The following SAMMSON variants were observed in gnomAD, a reference collection of about 807,000 sequenced individuals.
The protein encoded by SAMMSON is long intergenic non-protein coding RNA 1212.
intron 4 of SAMMSON, among the ~76,000 whole-genome samples, chr3:70,168,489 A>G (rs1427097304): frequency 6.6e-6 from 1 of 152,020 alleles, no homozygotes; most frequent in Non-Finnish European, 1.5e-5. Context: ...CATTGGTACT[A>G]ATGCTAAGAA....
chr3:70,362,980 C>T (rs1425838085), intron 9 of SAMMSON, among the ~76,000 whole-genome samples: 1 of 151,906 alleles, frequency 6.6e-6, no homozygotes, highest in Non-Finnish European at 1.5e-5. Context: ...CTATGGTTGA[C>T]ATTGCACTCC....
intron 4 of SAMMSON, among the ~76,000 whole-genome samples, chr3:70,224,711 C>T (rs937411788): frequency 6.6e-6 from 1 of 151,588 alleles, no homozygotes; most frequent in Non-Finnish European, 1.5e-5. Flanking sequence ...AGAAAATTCA[C>T]CCTTGGTTTT....
Position 70,040,982 on chromosome 3 carries a change from GC to G in SAMMSON, n.417+27311del, listed in dbSNP as rs2067104307. Among the ~76,000 whole-genome samples the G allele has an allele frequency of 2.6e-5, 4 of 152,220 alleles. No individual in the cohort carries two copies. In the South Asian group the frequency reaches 8.3e-4, roughly 32 times the overall value. On this transcript the variant is annotated intron_variant and non_coding_transcript_variant, in intron 3 of 9. Transcript: ENST00000642114. Reference sequence around the variant, plus strand: ...TGCTGAATGGTAACTGAGGAGGACTGCTAAACTCTCAGCGAGCTCCTTTGAC... The same window carrying G: ...TGCTGAATGGTAACTGAGGAGGACTGTAAACTCTCAGCGAGCTCCTTTGAC...
Position 70,265,397 on chromosome 3 carries a change from T to C in SAMMSON, n.674+15727T>C, listed in dbSNP as rs371948713. ...ATTTTGGAGCAAAGGTAAAGGAAGA[T>C]GGAGATTGCAGAGAAGGCAGGAAAT... On this transcript the variant is annotated intron_variant and non_coding_transcript_variant, in intron 6 of 9. Transcript: ENST00000642114. Among the ~76,000 whole-genome samples the C allele has an allele frequency of 3.2e-3, 492 of 152,240 alleles. 4 individuals are homozygous for C. Among genetic ancestry groups the C allele is most frequent in the African/African-American group, 0.011 (472 of 41,532 alleles).
chr3:70,310,454 C>G (rs1702443980), intron 7 of SAMMSON, among the ~76,000 whole-genome samples: 1 of 150,738 alleles, frequency 6.6e-6, no homozygotes, highest in Non-Finnish European at 1.5e-5. Flanking sequence ...CAACCTCTGC[C>G]TCCCCAGTTC....
chr3:70,056,228 T>G (rs1375334624), intron 3 of SAMMSON, among the ~76,000 whole-genome samples: 1 of 152,108 alleles, frequency 6.6e-6, no homozygotes, highest in Non-Finnish European at 1.5e-5. Context: ...TGATTGTCCA[T>G]CTGGCCTTCC....
chr3:70,350,273 G>C (rs549618104), intron 7 of SAMMSON, among the ~76,000 whole-genome samples: 1 of 152,028 alleles, frequency 6.6e-6, no homozygotes, highest in Non-Finnish European at 1.5e-5. Flanking sequence ...CCAAAGCTAC[G>C]TTTTCTGGCT....
chr3:70,145,963 T>C (rs1454866633), intron 4 of SAMMSON, among the ~76,000 whole-genome samples: 1 of 151,850 alleles, frequency 6.6e-6, no homozygotes, highest in East Asian at 1.9e-4. Context: ...CTAAGAAAAC[T>C]GACAAAGAGA....
At chr3:70,209,120 C>T (rs1256087540) in intron 4 of SAMMSON, among the ~76,000 whole-genome samples, 1 of 151,954 alleles carries the variant, frequency 6.6e-6, no homozygotes, top group Non-Finnish European at 1.5e-5. Context: ...TCAAGGCATC[C>T]AGTAATCAGC....
chr3:70,381,803 A>G (rs1703071097), intron 9 of SAMMSON, among the ~76,000 whole-genome samples: 1 of 152,158 alleles, frequency 6.6e-6, no homozygotes, highest in Admixed American at 6.6e-5. Context: ...TTTTGGGGAG[A>G]AAAGAACAGA....
chr3:70,017,778 T>G (rs978048068), intron 3 of SAMMSON, among the ~76,000 whole-genome samples: 3 of 152,132 alleles, frequency 2.0e-5, no homozygotes, highest in African/African-American at 7.2e-5. Context: ...AATTTATTGA[T>G]AGGTTTTAGC....
chr3:70,356,180 T>A (rs139110469), intron 8 of SAMMSON, among the ~76,000 whole-genome samples: 2 of 152,216 alleles, frequency 1.3e-5, no homozygotes, highest in East Asian at 3.9e-4. Flanking sequence ...TTGTTCCCCT[T>A]CATTAACTTT....
intron 9 of SAMMSON, among the ~76,000 whole-genome samples, chr3:70,386,811 T>C (rs998221270): frequency 6.6e-6 from 1 of 152,016 alleles, no homozygotes; most frequent in African/African-American, 2.4e-5. Flanking sequence ...GAAGAAAATG[T>C]CCAAACGAGT....
downstream of SAMMSON, among the ~76,000 whole-genome samples, chr3:70,394,475 G>A (rs1701075466): frequency 6.6e-6 from 1 of 152,098 alleles, no homozygotes; most frequent in Admixed American, 6.6e-5. Context: ...GTTAAGAGAA[G>A]CTCTACAATG....
intron 4 of SAMMSON, among the ~76,000 whole-genome samples, chr3:70,214,584 C>A (rs529389687): frequency 3.8e-4 from 54 of 142,302 alleles, no homozygotes; most frequent in African/African-American, 1.3e-3. Context: ...AAAGCAACTT[C>A]AATTTTTGGG....
intron 4 of SAMMSON, among the ~76,000 whole-genome samples, chr3:70,081,853 A>G (rs2067269227): frequency 6.6e-6 from 1 of 152,210 alleles, no homozygotes; most frequent in African/African-American, 2.4e-5. Context: ...GTGACACCTA[A>G]AATTGAAAGT....
chr3:70,341,573 A>C (rs1229792123), intron 7 of SAMMSON, among the ~76,000 whole-genome samples: 6 of 152,166 alleles, frequency 3.9e-5, no homozygotes, highest in Non-Finnish European at 7.3e-5. Context: ...TTGGAGACTA[A>C]GACTGATAGG....
intron 4 of SAMMSON, chr3:70,183,735 C>CA (rs1255570226): frequency 6.6e-6 from 1 of 152,112 alleles, no homozygotes; most frequent in Non-Finnish European, 1.5e-5. Flanking sequence ...AAGAATCCCC[C>CA]AAATCTGTGA....
At position 70,060,280 on chromosome 3, in the gene SAMMSON, C is replaced by A. The variant is rs372431264; in HGVS notation, n.418-11196C>A. Among the ~76,000 whole-genome samples, 39 of 152,100 alleles carry A rather than the reference C, an allele frequency of 2.6e-4. No individual in the cohort carries two copies. In the South Asian group the frequency reaches 7.1e-3, roughly 28 times the overall value. ...ATGGAGTGTTTGGCCTAGAGGGAAACCAACAGTTAAACAAGGAATTATTAT... is the reference window on the plus strand; with the variant it reads ...ATGGAGTGTTTGGCCTAGAGGGAAAACAACAGTTAAACAAGGAATTATTAT... On this transcript the variant is annotated intron_variant and non_coding_transcript_variant, in intron 3 of 9. Transcript: ENST00000642114.
Sources: gnomAD v4.1 joint callset for allele counts (sites outside exome capture counted in the v4.1 genomes callset) on GRCh38, gnomAD v4.1.1 for gene constraint, MANE v1.5 for transcripts, NCBI Gene and HGNC (gene_info 2026-07-23, HGNC 2026-07-21) for gene names.